IL18R1: variants seen among roughly 807,000 people sequenced by gnomAD.
The protein encoded by IL18R1 is interleukin 18 receptor 1.
A neutral mutation model predicts 48.5 loss-of-function variants in IL18R1; 40 were observed. That is an observed-to-expected ratio of 0.82 (90% CI 0.64 to 1.07). IL18R1 has a LOEUF of 1.07. Ranked by LOEUF, IL18R1 falls within the 50% of genes least tolerant of loss-of-function variation. The pLI is 0.00. For synonymous variants in IL18R1, 232 were observed against 225.9 expected (o/e 1.03, Z -0.24); for missense variants, 596 against 633.7 (o/e 0.94, Z 0.64).
intron 8 of IL18R1, among the ~76,000 whole-genome samples, chr2:102,388,359 C>A (rs1246425405): frequency 6.6e-6 from 1 of 152,232 alleles, no homozygotes; most frequent in Non-Finnish European, 1.5e-5. Flanking sequence ...TGCCCAGGGT[C>A]ACACGGCAGG....
At chr2:102,383,929 T>C (rs185396424) in intron 6 of IL18R1, among the ~76,000 whole-genome samples, 1 of 152,378 alleles carries the variant, frequency 6.6e-6, no homozygotes, top group East Asian at 1.9e-4. Context: ...TCAGCATCTG[T>C]AGGTCTGCTT....
intron 8 of IL18R1, among the ~76,000 whole-genome samples, chr2:102,387,732 G>A (rs1293586308): frequency 2.0e-5 from 3 of 152,180 alleles, no homozygotes; most frequent in Non-Finnish European, 4.4e-5. Context: ...GCAAGAGAGA[G>A]AGAAAGGGAG....
Position 102,384,995 on chromosome 2 carries a change from T to C in IL18R1, c.806T>C (p.Ile269Thr). ...PNIHEEKEMRIMTPEGKWHAS... is the reference protein window; with the variant it reads ...PNIHEEKEMRTMTPEGKWHAS... ...ATACATGAAGAGAAAGAAATGAGAATTATGTATGTATGTGTAATATATATG... is the reference window on the plus strand; with the variant it reads ...ATACATGAAGAGAAAGAAATGAGAACTATGTATGTATGTGTAATATATATG... The change falls in exon 7 of 11, where the codon ATT (isoleucine) becomes ACT (threonine). Residue 269 changes from isoleucine (I) to threonine (T), a missense_variant. By Grantham distance (89) the Ile-to-Thr change is moderately conservative. Around this residue, in one of 3 missense-constraint regions of IL18R1, gnomAD observed 360 missense variants for 339.4 expected, o/e 1.06. Coordinates refer to ENST00000233957, the MANE Select transcript of IL18R1 (RefSeq NM_003855.5). 15 of 1,451,772 alleles carry C rather than the reference T, an allele frequency of 1.0e-5. No homozygotes were observed. Among genetic ancestry groups the C allele is most frequent in the Non-Finnish European group, 1.3e-5 (13 of 1,033,430 alleles). The allele number at this position is 1,451,772 out of a possible 1,614,324, so 89.9% of individuals were successfully genotyped here. A position where few individuals can be genotyped will look rare whatever the true frequency, so the allele number is the denominator to read the frequency against.
intron 4 of IL18R1, among the ~76,000 whole-genome samples, chr2:102,373,260 CCATGGAATA>C (rs1479892923): frequency 9.2e-5 from 14 of 152,108 alleles, no homozygotes; most frequent in Admixed American, 2.6e-4. Flanking sequence ...CTCTTATACA[CCATGGAATA>C]CTATACAGCC....
At chr2:102,385,608 G>C (rs1309982085) in intron 7 of IL18R1, among the ~76,000 whole-genome samples, 1 of 152,182 alleles carries the variant, frequency 6.6e-6, no homozygotes. Flanking sequence ...TGCTGCACTT[G>C]TTGAGTTTTT....
intron 5 of IL18R1, among the ~76,000 whole-genome samples, chr2:102,381,278 A>G (rs1039080608): frequency 6.6e-5 from 10 of 152,204 alleles, no homozygotes; most frequent in African/African-American, 2.4e-4. Flanking sequence ...AGGAGGACAG[A>G]TGGAGAGAAT....
chr2:102,384,939 G>GT lies in IL18R1; in HGVS notation c.752dup (p.Gly252ArgfsTer9). 1 of 1,610,420 alleles carries GT rather than the reference G, an allele frequency of 6.2e-7. No homozygotes were observed. The highest frequency in any genetic ancestry group is 8.5e-7 in the Non-Finnish European group (1 of 1,176,960). ...ATGAAGAGGATGTAATTTATTGGATGTTCGGGGAAGAAAATGGATCGGATC... is the reference window on the plus strand; with the variant it reads ...ATGAAGAGGATGTAATTTATTGGATGTTTCGGGGAAGAAAATGGATCGGATC... On this transcript the variant is annotated frameshift_variant, in exon 7 of 11. Coordinates refer to ENST00000233957, the MANE Select transcript of IL18R1 (RefSeq NM_003855.5). LOFTEE classifies it high-confidence loss of function.
intron 3 of IL18R1, among the ~76,000 whole-genome samples, chr2:102,371,344 T>A (rs760535247): frequency 1.7e-4 from 26 of 152,162 alleles, no homozygotes; most frequent in Non-Finnish European, 5.9e-5. Context: ...TCCTGATCAC[T>A]AATTTCTGAT....
intron 7 of IL18R1, among the ~76,000 whole-genome samples, chr2:102,385,880 G>A (rs909852707): frequency 6.6e-6 from 1 of 152,172 alleles, no homozygotes; most frequent in African/African-American, 2.4e-5. Flanking sequence ...AATTTTTAGA[G>A]GGGTAGAAAA....
chr2:102,369,490 T>C (rs3771171), intron 3 of IL18R1, among the ~76,000 whole-genome samples: 33,389 of 152,086 alleles, frequency 0.22, 4,363 homozygotes, highest in East Asian at 0.39. Flanking sequence ...AGAGTGGATA[T>C]TGGAGACTGA....
intron 6 of IL18R1, among the ~76,000 whole-genome samples, chr2:102,381,955 A>G (rs899089722): frequency 1.1e-4 from 17 of 151,752 alleles, no homozygotes; most frequent in African/African-American, 4.1e-4. Flanking sequence ...CTTGTCTTTA[A>G]CTCTCTCTAT....
intron 6 of IL18R1, among the ~76,000 whole-genome samples, chr2:102,382,846 T>TC (rs1452469640): frequency 1.3e-5 from 2 of 152,184 alleles, no homozygotes; most frequent in African/African-American, 4.8e-5. Flanking sequence ...CTTATTTTTT[T>TC]CTTCTACTCA....
chr2:102,369,690 CTT>C (rs1679137472), intron 3 of IL18R1, among the ~76,000 whole-genome samples: 1 of 152,208 alleles, frequency 6.6e-6, no homozygotes, highest in African/African-American at 2.4e-5. Context: ...TGTGTTCTAA[CTT>C]AGGTGTGTAA....
chr2:102,360,401 C>A (rs1255959351), intron 1 of IL18R1, among the ~76,000 whole-genome samples: 1 of 152,120 alleles, frequency 6.6e-6, no homozygotes, highest in Non-Finnish European at 1.5e-5. Context: ...GTAGCTGGGA[C>A]TACAGGTGCC....
At chr2:102,378,502 T>C (rs191046234) in intron 5 of IL18R1, among the ~76,000 whole-genome samples, 1 of 152,374 alleles carries the variant, frequency 6.6e-6, no homozygotes, top group East Asian at 1.9e-4. Context: ...GTCCATCTTA[T>C]TTTTCTTGTC....
At chr2:102,382,343 C>A (rs1394992945) in intron 6 of IL18R1, among the ~76,000 whole-genome samples, 2 of 152,024 alleles carry the variant, frequency 1.3e-5, no homozygotes, top group Admixed American at 6.6e-5. Flanking sequence ...ATGAGTCAAA[C>A]TAATTTTGTG....
chr2:102,357,379 T>C (rs1314576244), intron 1 of IL18R1, among the ~76,000 whole-genome samples: 1 of 151,692 alleles, frequency 6.6e-6, no homozygotes, highest in Non-Finnish European at 1.5e-5. Flanking sequence ...TAATCCCAGC[T>C]ACTCGGGAGG....
chr2:102,363,813 C>A (rs1433144100), intron 2 of IL18R1, among the ~76,000 whole-genome samples: 1 of 152,204 alleles, frequency 6.6e-6, no homozygotes, highest in Non-Finnish European at 1.5e-5. Flanking sequence ...TGACAAAATG[C>A]TATGATTGTC....
At chr2:102,384,026 G>A (rs1458632569) in intron 6 of IL18R1, among the ~76,000 whole-genome samples, 2 of 152,090 alleles carry the variant, frequency 1.3e-5, no homozygotes, top group African/African-American at 4.8e-5. Flanking sequence ...TGATCTTTAT[G>A]TATCAAACAA....
Sources: gnomAD v4.1 joint callset for allele counts (sites outside exome capture counted in the v4.1 genomes callset) on GRCh38, gnomAD v4.1.1 for gene constraint, gnomAD v4.1.1 regional missense constraint, MANE v1.5 for transcripts, NCBI Gene and HGNC (gene_info 2026-07-23, HGNC 2026-07-21) for gene names.